Variants in ZNF732 observed in about 807,000 individuals in gnomAD.
ZNF732 encodes the protein zinc finger protein LOC654254.
ZNF732 carries 12 observed loss-of-function variants against 11.5 expected under a neutral mutation model. The observed-to-expected ratio is 1.05, with a 90% confidence interval of 0.67 to 1.70. The LOEUF (loss-of-function observed/expected upper bound fraction) is 1.70. Among genes scored for constraint, ZNF732 ranks in the 40% most tolerant of loss-of-function variants. ZNF732 has a pLI of 0.00. For missense variants in ZNF732, 702 were observed against 676.9 expected (o/e 1.04, Z -0.41); for synonymous variants, 231 against 236.5 (o/e 0.98, Z 0.21).
Position 295,479 on chromosome 4 carries a change from G to A in ZNF732, c.185C>T (p.Pro62Leu), listed in dbSNP as rs1553842114. Residue 62 changes from proline to leucine, a missense_variant, in exon 3 of 4, where the codon CCC (proline) becomes CTC (leucine). Physicochemically the swap from Pro to Leu is moderately conservative, Grantham distance 98. This residue lies in a region of ZNF732 where 596 missense variants were observed against 557.9 expected (regional missense o/e 1.07). Coordinates refer to ENST00000419098, the MANE Select transcript of ZNF732 (RefSeq NM_001137608.3). ...LVIYLEQRKE[P>L]YKVKIHETVA... ...TGTCTCATGTATCTTCACTTTGTAG[G>A]GCTCCTTTCTTTGCTCCAGATAGAT... The A allele has an allele frequency of 6.2e-7, 1 of 1,612,324 alleles. No homozygotes were observed. Among genetic ancestry groups the A allele is most frequent in the Admixed American group, 1.7e-5 (1 of 59,760 alleles).
chr4:272,926 A>G (rs1376800110), intron 3 of ZNF732, among the ~76,000 whole-genome samples: 1 of 152,080 alleles, frequency 6.6e-6, no homozygotes, highest in Admixed American at 6.5e-5. Flanking sequence ...CTCCTCCCCA[A>G]TATAGCACTG....
intron 1 of ZNF732, among the ~76,000 whole-genome samples, chr4:304,797 T>G (rs1553844150): frequency 1.3e-5 from 2 of 152,214 alleles, no homozygotes; most frequent in African/African-American, 4.8e-5. Context: ...GTGGGCAAGT[T>G]GGAGCGGGCG....
intron 3 of ZNF732, among the ~76,000 whole-genome samples, chr4:282,976 A>T (rs11722521): frequency 0.14 from 21,461 of 152,130 alleles, 1,895 homozygotes; most frequent in Admixed American, 0.25. Flanking sequence ...TATAAAAAAA[A>T]TTTAGTTAGC....
chr4:295,359 AACT>A lies in ZNF732; in HGVS notation c.226+76_226+78del. The stretch of plus-strand genomic sequence containing the variant: ...ATTTTCACTGGAGCAGAGCTTCCCA[AACT>A]ACATTTTAAGGCCTAGCTTCCTTCT... On this transcript the variant is annotated intron_variant, in intron 3 of 3. Coordinates refer to ENST00000419098, the MANE Select transcript of ZNF732 (RefSeq NM_001137608.3). The A allele has an allele frequency of 2.5e-6, 3 of 1,211,798 alleles. No homozygotes were observed. In the South Asian group the frequency reaches 4.6e-5, roughly 19 times the overall value. The allele number at this position is 1,211,798 out of a possible 1,614,324, so 75.1% of individuals were successfully genotyped here. A position where few individuals can be genotyped will look rare whatever the true frequency, so the allele number is the denominator to read the frequency against.
At chr4:277,627 A>G (rs1425488000) in intron 3 of ZNF732, among the ~76,000 whole-genome samples, 1 of 152,082 alleles carries the variant, frequency 6.6e-6, no homozygotes, top group Non-Finnish European at 1.5e-5. Context: ...GTGAGAATGA[A>G]TAGAAAAGGA....
intron 3 of ZNF732, among the ~76,000 whole-genome samples, chr4:274,842 G>C (rs1553838450): frequency 6.6e-6 from 1 of 151,598 alleles, no homozygotes; most frequent in Non-Finnish European, 1.5e-5. Flanking sequence ...GGGAACTAAT[G>C]ACAAACATGT....
At chr4:300,318 C>T (rs1553843419) in intron 1 of ZNF732, among the ~76,000 whole-genome samples, 1 of 151,254 alleles carries the variant, frequency 6.6e-6, no homozygotes. Context: ...AAAAAATTAG[C>T]CAGGCATGGT....
intron 3 of ZNF732, among the ~76,000 whole-genome samples, chr4:277,637 A>C (rs1241434779): frequency 2.0e-5 from 3 of 152,050 alleles, no homozygotes; most frequent in African/African-American, 4.8e-5. Flanking sequence ...ATAGAAAAGG[A>C]AACACGGTAA....
chr4:299,442 T>TAC (rs1447666958), intron 1 of ZNF732, among the ~76,000 whole-genome samples: 138 of 36,762 alleles, frequency 3.8e-3, no homozygotes, highest in Non-Finnish European at 4.9e-3. Flanking sequence ...TGTGTATATA[T>TAC]ATATATATAC....
rs868959344 is a variant in ZNF732 at position 293,062 on chromosome 4, C to T, written c.226+2376G>A. On this transcript the variant is annotated intron_variant, in intron 3 of 3. Transcript: ENST00000419098. Reference sequence around the variant, plus strand: ...CAGCCTGGGCAACAGAGCAAGACTCCATCTCAAAAAAAAAAAAAAAAAAAA... The same window carrying T: ...CAGCCTGGGCAACAGAGCAAGACTCTATCTCAAAAAAAAAAAAAAAAAAAA... Among the ~76,000 whole-genome samples, 204 of 79,602 alleles carry T rather than the reference C, an allele frequency of 2.6e-3. 1 individual carries two copies. The highest frequency in any genetic ancestry group is 0.01 in the African/African-American group (196 of 19,174). 52.2% of individuals were successfully genotyped at this position (79,602 alleles called of 152,430 possible).
Position 296,112 on chromosome 4 carries a change from T to C in ZNF732, c.47A>G (p.Glu16Gly). 1 of 1,613,742 alleles carries C rather than the reference T, an allele frequency of 6.2e-7. No homozygotes were observed. The highest frequency in any genetic ancestry group is 8.5e-7 in the Non-Finnish European group (1 of 1,179,888). Reference protein sequence around the residue: ...FRDVAIEFSPEEWKCLDPAQQ... With the variant: ...FRDVAIEFSPGEWKCLDPAQQ... Reference sequence around the variant, plus strand: ...GGCAGGGTCCAGGCATTTCCACTCTTCTGGAGAGAATTCTATGGCCACATC... The same window carrying C: ...GGCAGGGTCCAGGCATTTCCACTCTCCTGGAGAGAATTCTATGGCCACATC... Residue 16 changes from glutamate to glycine, a missense_variant, in exon 2 of 4, where the codon GAA becomes GGA. By Grantham distance (98) the Glu-to-Gly change is moderately conservative. Around this residue, in one of 3 missense-constraint regions of ZNF732, gnomAD observed 596 missense variants for 557.9 expected, o/e 1.07. Coordinates refer to ENST00000419098, the MANE Select transcript of ZNF732 (RefSeq NM_001137608.3).
rs781985597 is a variant in ZNF732 at position 305,331 on chromosome 4, G to A, written c.-21C>T. On this transcript the variant is annotated 5_prime_UTR_variant, in exon 1 of 4. Coordinates refer to ENST00000419098, the MANE Select transcript of ZNF732 (RefSeq NM_001137608.3). ...ACCATTTCCCCACTTCAGGGGTGTAGCGGAGTCTCAGCTACGAATCATCCA... is the reference window on the plus strand; with the variant it reads ...ACCATTTCCCCACTTCAGGGGTGTAACGGAGTCTCAGCTACGAATCATCCA... 19 of 1,607,722 alleles carry A rather than the reference G, an allele frequency of 1.2e-5. No homozygotes were observed. Among genetic ancestry groups the A allele is most frequent in the East Asian group, 6.7e-5 (3 of 44,834 alleles).
rs199525318 is a variant in ZNF732, at chr4:299,367, ATGTG to A, written c.4-3216_4-3213del. On this transcript the variant is annotated intron_variant, in intron 1 of 3. Transcript: ENST00000419098. Reference sequence around the variant, plus strand: ...AGTATATATACACATATATACACATATGTGTATATATATATACACATATGTACAC... The same window carrying A: ...AGTATATATACACATATATACACATATATATATATATACACATATGTACAC... Among the ~76,000 whole-genome samples, 9 of 108,138 alleles carry A rather than the reference ATGTG, an allele frequency of 8.3e-5. 1 individual carries two copies. Among genetic ancestry groups the A allele is most frequent in the East Asian group, 2.7e-4 (1 of 3,678 alleles). 70.9% of individuals were successfully genotyped at this position (108,138 alleles called of 152,430 possible). A position where few individuals can be genotyped will look rare whatever the true frequency, so the allele number is the denominator to read the frequency against.
At chr4:301,419 G>A (rs1255764907) in intron 1 of ZNF732, among the ~76,000 whole-genome samples, 2 of 152,162 alleles carry the variant, frequency 1.3e-5, no homozygotes, top group Non-Finnish European at 2.9e-5. Flanking sequence ...ACATGCACAT[G>A]TATGTTTATT....
chr4:303,299 G>A (rs1720155494), intron 1 of ZNF732, among the ~76,000 whole-genome samples: 2 of 152,224 alleles, frequency 1.3e-5, no homozygotes, highest in South Asian at 4.1e-4. Context: ...AGAGAACTTT[G>A]AGCGTTAGCC....
At chr4:285,659 A>C (rs1719716089) in intron 3 of ZNF732, among the ~76,000 whole-genome samples, 2 of 152,198 alleles carry the variant, frequency 1.3e-5, no homozygotes, top group Non-Finnish European at 2.9e-5. Context: ...GACGATTCAC[A>C]GTGTGACAGC....
chr4:288,021 A>C (rs1229744924), intron 3 of ZNF732, among the ~76,000 whole-genome samples: 1 of 152,026 alleles, frequency 6.6e-6, no homozygotes, highest in African/African-American at 2.4e-5. Flanking sequence ...GCCTTACATT[A>C]CTCTAAAAAT....
At chr4:276,743 G>A (rs943395577) in intron 3 of ZNF732, among the ~76,000 whole-genome samples, 2 of 151,610 alleles carry the variant, frequency 1.3e-5, no homozygotes, top group Non-Finnish European at 3.0e-5. Flanking sequence ...GTGATCTATA[G>A]ATTCAACGCA....
At chr4:289,587 G>A (rs1322334582) in intron 3 of ZNF732, among the ~76,000 whole-genome samples, 1 of 152,202 alleles carries the variant, frequency 6.6e-6, no homozygotes, top group African/African-American at 2.4e-5. Flanking sequence ...TGTTAGCATA[G>A]TTTTCTAAAT....
Sources: gnomAD v4.1 joint callset for allele counts (sites outside exome capture counted in the v4.1 genomes callset) on GRCh38, gnomAD v4.1.1 for gene constraint, gnomAD v4.1.1 regional missense constraint, MANE v1.5 for transcripts, NCBI Gene and HGNC (gene_info 2026-07-23, HGNC 2026-07-21) for gene names.